CCNB1: variants seen among roughly 807,000 people sequenced by gnomAD.
The protein encoded by CCNB1 is G2/mitotic-specific cyclin-B1.
CCNB1 carries 26 observed loss-of-function variants against 44.4 expected under a neutral mutation model. The ratio of observed to expected loss-of-function variants is 0.59; its 90% CI spans 0.43 to 0.81. The LOEUF (loss-of-function observed/expected upper bound fraction) is 0.81. CCNB1 is among the 40% of genes least tolerant of loss of function. The pLI is 0.00. For missense variants in CCNB1, 477 were observed against 520.9 expected (o/e 0.92, Z 0.82); for synonymous variants, 195 against 181.4 (o/e 1.08, Z -0.60).
At chr5:69,170,818 A>G (rs932955941) in intron 3 of CCNB1, among the ~76,000 whole-genome samples, 1 of 152,074 alleles carries the variant, frequency 6.6e-6, no homozygotes, top group Non-Finnish European at 1.5e-5. Context: ...AGTTATTGCT[A>G]TATTGCCCAG....
At chr5:69,171,243 T>C (rs1278779613) in intron 3 of CCNB1, 27 bp from the exon 4 acceptor site, 2 of 1,574,636 alleles carry the variant, frequency 1.3e-6, no homozygotes, top group African/African-American at 2.7e-5. Flanking sequence ...TTCTATTTGC[T>C]ATTTCAAGAT....
intron 1 of CCNB1, among the ~76,000 whole-genome samples, 163 bp from the exon 2 acceptor site, chr5:69,167,745 T>C (rs554406151): frequency 6.6e-6 from 1 of 152,244 alleles, no homozygotes; most frequent in South Asian, 2.1e-4. Flanking sequence ...GGAAACTGAC[T>C]TGTCACGGCC....
chr5:69,177,061 T>G, intron 7 of CCNB1, 178 bp from the exon 8 acceptor site: 1 of 472,776 alleles, frequency 2.1e-6, no homozygotes, highest in African/African-American at 2.0e-5. Flanking sequence ...CAATTAGGTT[T>G]GAGCAGAGGA....
intron 1 of CCNB1, among the ~76,000 whole-genome samples, 161 bp from the exon 2 acceptor site, chr5:69,167,747 G>C (rs559128427): frequency 3.3e-5 from 5 of 152,078 alleles, no homozygotes; most frequent in South Asian, 2.1e-4. Context: ...AAACTGACTT[G>C]TCACGGCCGC....
intron 1 of CCNB1, chr5:69,167,600 G>T: frequency 2.0e-6 from 1 of 511,022 alleles, no homozygotes. Context: ...CAGCAACTCT[G>T]TAACCCCCTT....
At chr5:69,171,929 T>G (rs2112051654) in intron 4 of CCNB1, among the ~76,000 whole-genome samples, 1 of 152,376 alleles carries the variant, frequency 6.6e-6, no homozygotes, top group Non-Finnish European at 1.5e-5. Context: ...CAAAAGCTAC[T>G]TTTTTGGTTC....
intron 3 of CCNB1, among the ~76,000 whole-genome samples, chr5:69,170,309 A>G (rs1216018889): frequency 6.6e-6 from 1 of 152,140 alleles, no homozygotes; most frequent in East Asian, 1.9e-4. Flanking sequence ...TACTAAATTC[A>G]GAGTCCTTTG....
chr5:69,172,625 G>T (rs1358180934), intron 4 of CCNB1, among the ~76,000 whole-genome samples: 2 of 151,954 alleles, frequency 1.3e-5, no homozygotes, highest in South Asian at 2.1e-4. Context: ...CTCCTTTTTG[G>T]CCTCTCCTTT....
chr5:69,174,788 T>C, intron 5 of CCNB1, 89 bp from the exon 6 acceptor site: 1 of 988,894 alleles, frequency 1.0e-6, no homozygotes, highest in South Asian at 1.4e-5. Context: ...GATTTTGCTA[T>C]GGGAGAATGT....
chr5:69,174,577 G>C (rs1747537818), intron 5 of CCNB1, among the ~76,000 whole-genome samples, 168 bp downstream of exon 5: 2 of 152,174 alleles, frequency 1.3e-5, no homozygotes, highest in South Asian at 4.1e-4. Flanking sequence ...GTAAAACCCT[G>C]TCTCTACTAA....
At chr5:69,168,396 T>G (rs1747388145) in intron 3 of CCNB1, 53 bp downstream of exon 3, 1 of 1,598,918 alleles carries the variant, frequency 6.3e-7, no homozygotes, top group African/African-American at 1.3e-5. Flanking sequence ...TGTCCCTTAT[T>G]TCACTGATAC....
At chr5:69,174,811 C>T in intron 5 of CCNB1, 66 bp from the exon 6 acceptor site, 1 of 1,232,108 alleles carries the variant, frequency 8.1e-7, no homozygotes, top group Non-Finnish European at 1.2e-6. Flanking sequence ...TTCTACCTCT[C>T]CTTCATCATA....
At chr5:69,170,111 C>T (rs2112048639) in intron 3 of CCNB1, among the ~76,000 whole-genome samples, 1 of 151,736 alleles carries the variant, frequency 6.6e-6, no homozygotes, top group African/African-American at 2.4e-5. Flanking sequence ...TTACAGGTGC[C>T]AGCCACCACA....
chr5:69,168,085 C>G lies in CCNB1; in HGVS notation c.192+7C>G. ...CAAAATGCCTATGAAGAAGGTAACT[C>G]TCTTCCTGACCTAACTTCTGTAAGA... On this transcript the variant is annotated splice_region_variant and intron_variant, in intron 2 of 8. Transcript: ENST00000256442. The G allele has an allele frequency of 6.2e-7, 1 of 1,612,684 alleles. No individual in the cohort carries two copies. Among genetic ancestry groups the G allele is most frequent in the Non-Finnish European group, 8.5e-7 (1 of 1,179,276 alleles).
chr5:69,176,807 T>C (rs528893930), intron 7 of CCNB1, among the ~76,000 whole-genome samples: 1 of 151,650 alleles, frequency 6.6e-6, no homozygotes, highest in Non-Finnish European at 1.5e-5. Context: ...GGTGAAACCC[T>C]ATCTCTACTA....
chr5:69,167,543 C>T, intron 1 of CCNB1: 1 of 532,726 alleles, frequency 1.9e-6, no homozygotes, highest in Non-Finnish European at 3.3e-6. Flanking sequence ...GGAGAGTCGA[C>T]TGGGAACCTT....
rs913829482 is a variant in CCNB1, at chr5:69,174,959, C to G, written c.788C>G (p.Pro263Arg). 6.2e-7 allele frequency: 1 copy of G among 1,614,176 alleles called. No homozygotes were observed. Among genetic ancestry groups the G allele is most frequent in the Non-Finnish European group, 8.5e-7 (1 of 1,180,038 alleles). Residue 263 changes from proline to arginine, a missense_variant, in exon 6 of 9, where the codon CCT becomes CGT. Coordinates refer to ENST00000256442, the MANE Select transcript of CCNB1 (RefSeq NM_031966.4). ...GCAAGCAAATATGAAGAAATGTACC[C>G]TCCAGAAATTGGTGACTTTGCTTTT... Reference protein sequence around the residue: ...FIASKYEEMYPPEIGDFAFVT... With the variant: ...FIASKYEEMYRPEIGDFAFVT...
chr5:69,170,260 C>T (rs1466978606), intron 3 of CCNB1, among the ~76,000 whole-genome samples: 12 of 151,188 alleles, frequency 7.9e-5, no homozygotes, highest in African/African-American at 2.7e-4. Flanking sequence ...GGATTACAAG[C>T]GTGAGCCACC....
chr5:69,170,332 AGTCAATGCCTT>A (rs1747432569), intron 3 of CCNB1, among the ~76,000 whole-genome samples: 2 of 152,112 alleles, frequency 1.3e-5, no homozygotes, highest in South Asian at 4.1e-4. Flanking sequence ...GATGCCATGA[AGTCAATGCCTT>A]GTAGAGTTTG....
Sources: allele counts gnomAD v4.1 joint callset (sites outside exome capture counted in the v4.1 genomes callset), GRCh38; gene constraint gnomAD v4.1.1; transcripts MANE v1.5; gene names NCBI Gene and HGNC (gene_info 2026-07-23, HGNC 2026-07-21).